The following THRSP variants were observed in gnomAD, a reference collection of about 807,000 sequenced individuals.
THRSP encodes thyroid hormone responsive, also known as thyroid hormone-inducible hepatic protein.
THRSP carries 9 observed loss-of-function variants against 11.1 expected under a neutral mutation model. The observed-to-expected ratio is 0.81, with a 90% CI of 0.49 to 1.42. THRSP has a LOEUF of 1.42. THRSP is among the 40% of genes most tolerant of loss of function. THRSP has a pLI of 0.00. For missense variants in THRSP, 177 were observed against 188.2 expected (o/e 0.94, Z 0.35); for synonymous variants, 73 against 78.1 (o/e 0.94, Z 0.34).
Position 78,064,151 on chromosome 11 carries a change from T to C in THRSP, c.270T>C (p.Asn90=). The part of the protein sequence containing the change: ...WQAKVAGSEE[N]GTAETEEVED... ...CCAAGGTGGCAGGCAGCGAAGAGAATGGAACCGCAGAGACAGAGGAAGTCG... is the reference window on the plus strand; with the variant it reads ...CCAAGGTGGCAGGCAGCGAAGAGAACGGAACCGCAGAGACAGAGGAAGTCG... Residue 90 remains asparagine, a synonymous_variant, in exon 1 of 2, where the codon AAT becomes AAC. Transcript: ENST00000281030. 6.2e-7 allele frequency: 1 copy of C among 1,613,604 alleles called. No homozygotes were observed. Among genetic ancestry groups the C allele is most frequent in the Non-Finnish European group, 8.5e-7 (1 of 1,179,868 alleles).
At chr11:78,066,968 GGT>G (rs1858767896) in intron 1 of THRSP, among the ~76,000 whole-genome samples, 1 of 151,752 alleles carries the variant, frequency 6.6e-6, no homozygotes, top group Admixed American at 6.6e-5. Flanking sequence ...TGGGACTACA[GGT>G]GCACGCCACT....
chr11:78,064,029 C>T lies in THRSP; in HGVS notation c.148C>T (p.Gln50Ter). 2 of 1,613,334 alleles carry T rather than the reference C, an allele frequency of 1.2e-6. No homozygotes were observed. The highest frequency in any genetic ancestry group is 8.5e-7 in the Non-Finnish European group (1 of 1,179,788). Residue 50 changes from glutamine (Q) to a stop codon, truncating the protein, a stop_gained, in exon 1 of 2, where the codon CAG becomes TAG. Transcript: ENST00000281030. LOFTEE classifies it high-confidence loss of function. Reference sequence around the variant, plus strand: ...GCTGAGTGGGCCTGGGGGCCAGGCCCAGGCTGAGGCCCCTGATCTCTACAC... The same window carrying T: ...GCTGAGTGGGCCTGGGGGCCAGGCCTAGGCTGAGGCCCCTGATCTCTACAC... ...VQLSGPGGQA[Q>*]AEAPDLYTYF...
In THRSP at chr11:78,064,296, CA is replaced by C; in HGVS notation, c.416del (p.Gln139ArgfsTer3). The C allele has an allele frequency of 6.2e-7, 1 of 1,612,036 alleles. No homozygotes were observed. The highest frequency in any genetic ancestry group is 1.1e-5 in the South Asian group (1 of 90,968). ...EKAQEVTRKY[Q>X]EMTGQVW ...AGCCCAGGAGGTGACAAGGAAATAC[CA>C]GGAAATGACGGGACAAGTTTGGTAG... On this transcript the variant is annotated frameshift_variant, in exon 1 of 2. Transcript: ENST00000281030. LOFTEE classifies it high-confidence loss of function.
intron 1 of THRSP, among the ~76,000 whole-genome samples, chr11:78,064,988 C>CA (rs57192362): frequency 0.83 from 110,745 of 132,704 alleles, 45,723 homozygotes; most frequent in African/African-American, 0.86. Flanking sequence ...GACTCCATCT[C>CA]AAAAAAAAAA....
chr11:78,065,884 C>T (rs572692039), intron 1 of THRSP, among the ~76,000 whole-genome samples: 1 of 152,358 alleles, frequency 6.6e-6, no homozygotes, highest in East Asian at 1.9e-4. Context: ...TCTCCCGCTT[C>T]AAACCCAAAC....
intron 1 of THRSP, among the ~76,000 whole-genome samples, chr11:78,064,595 C>T (rs996727154): frequency 6.6e-6 from 1 of 152,202 alleles, no homozygotes; most frequent in Non-Finnish European, 1.5e-5. Context: ...GGGCATATCT[C>T]ATATGCACAT....
chr11:78,065,906 A>G (rs1858724014), intron 1 of THRSP, among the ~76,000 whole-genome samples: 1 of 151,940 alleles, frequency 6.6e-6, no homozygotes, highest in African/African-American at 2.4e-5. Context: ...GTCAACCTCA[A>G]CCCTTCTTCC....
intron 1 of THRSP, among the ~76,000 whole-genome samples, chr11:78,064,721 GC>G (rs1378069962): frequency 3.3e-5 from 5 of 152,278 alleles, no homozygotes; most frequent in Non-Finnish European, 7.3e-5. Flanking sequence ...GAGGGGCCAG[GC>G]GCGGTGGCTC....
In THRSP at chr11:78,068,272, G is replaced by A. The variant is rs943276279; in HGVS notation, c.*633G>A. ...TGAGTGATTCACCCTCTTACTTGGC[G>A]ACCACTGATGAGATCAACAACAGGT... On this transcript the variant is annotated 3_prime_UTR_variant, in exon 2 of 2. Transcript: ENST00000281030. The A allele has an allele frequency of 6.6e-6, 1 of 151,700 alleles. No homozygotes were observed. Among genetic ancestry groups the A allele is most frequent in the African/African-American group, 2.4e-5 (1 of 41,236 alleles). The allele number at this position is 151,700 out of a possible 1,614,324, so 9.4% of individuals were successfully genotyped here.
At position 78,064,115 on chromosome 11, in the gene THRSP, G is replaced by C; in HGVS notation, c.234G>C (p.Glu78Asp). Residue 78 changes from glutamate to aspartate, a missense_variant, in exon 1 of 2, where the codon GAG becomes GAC. Coordinates refer to ENST00000281030, the MANE Select transcript of THRSP (RefSeq NM_003251.4). ...VDVDHGLLPR[E>D]EWQAKVAGSE... ...TGGACCATGGGCTGCTGCCGCGGGAGGAGTGGCAGGCCAAGGTGGCAGGCA... is the reference window on the plus strand; with the variant it reads ...TGGACCATGGGCTGCTGCCGCGGGACGAGTGGCAGGCCAAGGTGGCAGGCA... The C allele has an allele frequency of 6.2e-7, 1 of 1,614,186 alleles. No homozygotes were observed. Among genetic ancestry groups the C allele is most frequent in the Non-Finnish European group, 8.5e-7 (1 of 1,180,036 alleles).
intron 1 of THRSP, among the ~76,000 whole-genome samples, chr11:78,065,708 A>G (rs1166608789): frequency 1.3e-5 from 2 of 152,232 alleles, no homozygotes; most frequent in Non-Finnish European, 2.9e-5. Context: ...ACTGGCCTCA[A>G]CTTTGAGCTG....
At chr11:78,066,042 T>G (rs1017924617) in intron 1 of THRSP, among the ~76,000 whole-genome samples, 4 of 152,258 alleles carry the variant, frequency 2.6e-5, no homozygotes, top group African/African-American at 7.2e-5. Context: ...TTGGGCAAGC[T>G]AATTCATTTC....
chr11:78,064,340 A>G lies in THRSP; in HGVS notation c.*18A>G, dbSNP rs1858670331. On this transcript the variant is annotated splice_region_variant and 3_prime_UTR_variant, in exon 1 of 2. Transcript: ENST00000281030. ...TTTGGTAGACCTTGGACACTAGGGA[A>G]GGTAATGGTGGCCATGCTGGTGGGT... The G allele has an allele frequency of 1.3e-6, 2 of 1,590,416 alleles. No individual in the cohort carries two copies. Among genetic ancestry groups the G allele is most frequent in the South Asian group, 2.3e-5 (2 of 87,720 alleles).
chr11:78,066,400 C>A (rs1379337768), intron 1 of THRSP, among the ~76,000 whole-genome samples: 1 of 152,134 alleles, frequency 6.6e-6, no homozygotes, highest in Non-Finnish European at 1.5e-5. Flanking sequence ...CTCCTGACCT[C>A]GTGATCCACC....
At chr11:78,066,451 C>T (rs571356064) in intron 1 of THRSP, among the ~76,000 whole-genome samples, 1 of 152,316 alleles carries the variant, frequency 6.6e-6, no homozygotes, top group African/African-American at 2.4e-5. Context: ...AGGCATGAGC[C>T]ACCGCGCCCA....
intron 1 of THRSP, among the ~76,000 whole-genome samples, chr11:78,064,784 T>C (rs986999155): frequency 2.6e-5 from 4 of 151,812 alleles, no homozygotes; most frequent in Admixed American, 1.3e-4. Context: ...GGCCAGGAGA[T>C]TGAGACCATC....
rs748200479 is a variant in THRSP, at chr11:78,064,157, C to T, written c.276C>T (p.Thr92=). 1.1e-5 allele frequency: 17 copies of T among 1,613,958 alleles called. No homozygotes were observed. Among genetic ancestry groups the T allele is most frequent in the South Asian group, 5.5e-5 (5 of 91,078 alleles). Reference sequence around the variant, plus strand: ...TGGCAGGCAGCGAAGAGAATGGAACCGCAGAGACAGAGGAAGTCGAGGACG... The same window carrying T: ...TGGCAGGCAGCGAAGAGAATGGAACTGCAGAGACAGAGGAAGTCGAGGACG... ...AKVAGSEENG[T]AETEEVEDES... The change falls in exon 1 of 2, where the codon ACC becomes ACT. Residue 92 remains threonine, a synonymous_variant. Transcript: ENST00000281030.
intron 1 of THRSP, among the ~76,000 whole-genome samples, chr11:78,064,866 G>A (rs1015884333): frequency 1.3e-5 from 2 of 151,886 alleles, no homozygotes; most frequent in Non-Finnish European, 2.9e-5. Flanking sequence ...GTGGGTGCCT[G>A]TAGTCCCAGC....
chr11:78,065,203 G>C (rs773210998), intron 1 of THRSP, among the ~76,000 whole-genome samples: 1 of 152,148 alleles, frequency 6.6e-6, no homozygotes, highest in Non-Finnish European at 1.5e-5. Flanking sequence ...CCCACCAAAC[G>C]GGAAGCCGAG....
Sources: allele counts gnomAD v4.1 joint callset (sites outside exome capture counted in the v4.1 genomes callset), GRCh38; gene constraint gnomAD v4.1.1; transcripts MANE v1.5; gene names NCBI Gene and HGNC (gene_info 2026-07-23, HGNC 2026-07-21).